RPL37: variants seen among roughly 807,000 people sequenced by gnomAD.
RPL37 encodes the protein ribosomal protein L37, also known as large ribosomal subunit protein eL37.
In RPL37, 1 loss-of-function variant was observed where a neutral mutation model predicts 14.8. The ratio of observed to expected loss-of-function variants is 0.07; its 90% CI spans 0.02 to 0.32. The LOEUF is 0.32. Among genes scored for constraint, RPL37 ranks in the 10% least tolerant of loss-of-function variants. The probability of loss-of-function intolerance (pLI) is 1.00; values close to 1 mark genes in which losing one functional copy is unlikely to be tolerated. For synonymous variants in RPL37, 53 were observed against 45.8 expected (o/e 1.16, Z -0.63); for missense variants, 100 against 128.3 (o/e 0.78, Z 1.06).
At chr5:40,834,722 G>A (rs1745725570) in intron 1 of RPL37, 116 bp from the exon 2 acceptor site, 2 of 1,191,012 alleles carry the variant, frequency 1.7e-6, no homozygotes, top group Non-Finnish European at 2.3e-6. Context: ...TCGAAACTGC[G>A]GGAGAAGCCT....
chr5:40,834,660 C>G (rs1745724069), intron 1 of RPL37, 54 bp from the exon 2 acceptor site: 4 of 1,535,266 alleles, frequency 2.6e-6, no homozygotes, highest in African/African-American at 1.4e-5. Flanking sequence ...TAGATTTACT[C>G]GAGTTCTCCG....
At chr5:40,833,080 G>A (rs1195040273) in intron 3 of RPL37, among the ~76,000 whole-genome samples, 1 of 152,150 alleles carries the variant, frequency 6.6e-6, no homozygotes, top group African/African-American at 2.4e-5. Context: ...TTCAGTTCAA[G>A]CTCTTAACTC....
Position 40,831,645 on chromosome 5 carries a change from T to A in RPL37, c.*859A>T, listed in dbSNP as rs967400230. 1 of 152,326 alleles carries A rather than the reference T, an allele frequency of 6.6e-6. No individual in the cohort carries two copies. The highest frequency in any genetic ancestry group is 2.4e-5 in the African/African-American group (1 of 41,460). The allele number at this position is 152,326 out of a possible 1,614,324, so 9.4% of individuals were successfully genotyped here. On this transcript the variant is annotated 3_prime_UTR_variant, in exon 4 of 4. Coordinates refer to ENST00000274242, the MANE Select transcript of RPL37 (RefSeq NM_000997.5). ...CCTGCCCTCTCACTCAGCAGTCCAG[T>A]TGACTTTGTCCCTTCATTTTAAAAA...
At chr5:40,834,699 G>A in intron 1 of RPL37, 93 bp from the exon 2 acceptor site, 1 of 1,419,462 alleles carries the variant, frequency 7.0e-7, no homozygotes, top group Non-Finnish European at 9.5e-7. Context: ...AAATTTAAAG[G>A]CAATCGTAAA....
At position 40,831,785 on chromosome 5, in the gene RPL37, T is replaced by C. The variant is rs1745645389; in HGVS notation, c.*719A>G. 1 of 152,428 alleles carries C rather than the reference T, an allele frequency of 6.6e-6. No individual in the cohort carries two copies. Among genetic ancestry groups the C allele is most frequent in the South Asian group, 2.1e-4 (1 of 4,826 alleles). The allele number at this position is 152,428 out of a possible 1,614,324, so 9.4% of individuals were successfully genotyped here. A position where few individuals can be genotyped will look rare whatever the true frequency, so the allele number is the denominator to read the frequency against. On this transcript the variant is annotated 3_prime_UTR_variant, in exon 4 of 4. Coordinates refer to ENST00000274242, the MANE Select transcript of RPL37 (RefSeq NM_000997.5). ...ATTACCAAGTTGAGGGCTAAAAAAA[T>C]TCGACCAAGTAGTCCCACATCATTG...
rs1268920097 is a variant in RPL37 at position 40,828,334 on chromosome 5, C to CA, written c.*4169dup. On this transcript the variant is annotated 3_prime_UTR_variant, in exon 4 of 4. Transcript: ENST00000274242. ...ATGTCACCTTCCACAAACATACATA[C>CA]AGTATATACATGATTGAAATCTGTC... is the stretch of plus-strand genomic sequence containing the variant. The CA allele has an allele frequency of 6.6e-6, 1 of 152,188 alleles. No individual in the cohort carries two copies. The highest frequency in any genetic ancestry group is 1.9e-4 in the East Asian group (1 of 5,208). The allele number at this position is 152,188 out of a possible 1,614,324, so 9.4% of individuals were successfully genotyped here.
intron 3 of RPL37, chr5:40,833,917 C>A (rs1057078140): frequency 4.5e-6 from 2 of 440,852 alleles, no homozygotes; most frequent in African/African-American, 2.0e-5. Context: ...TGTGGCAGCG[C>A]ACACCTGTAG....
At position 40,834,198 on chromosome 5, in the gene RPL37, A is replaced by C; in HGVS notation, c.207T>G (p.Ile69Met). The C allele has an allele frequency of 4.3e-6, 7 of 1,613,836 alleles. No individual in the cohort carries two copies. Among genetic ancestry groups the C allele is most frequent in the Non-Finnish European group, 5.9e-6 (7 of 1,179,710 alleles). Reference protein sequence around the residue: ...TGTGRMRHLKIVYRRFRHGFR... With the variant: ...TGTGRMRHLKMVYRRFRHGFR... ...AACTGTACCTGAATCTGCGGTATAC[A>C]ATTTTTAGGTGCCTCATTCGACCAG... Residue 69 changes from isoleucine (I) to methionine (M), a missense_variant, in exon 3 of 4, where the codon ATT (isoleucine) becomes ATG (methionine). Ile to Met is a conservative substitution (Grantham distance 10). Coordinates refer to ENST00000274242, the MANE Select transcript of RPL37 (RefSeq NM_000997.5).
chr5:40,834,955 C>T, intron 1 of RPL37: 1 of 646,320 alleles, frequency 1.5e-6, no homozygotes. Flanking sequence ...AAAGGTTGGA[C>T]CGAGGCAAAG....
chr5:40,834,719 T>C (rs1745725442), intron 1 of RPL37, 113 bp from the exon 2 acceptor site: 2 of 1,235,834 alleles, frequency 1.6e-6, no homozygotes, highest in Admixed American at 4.8e-5. Context: ...AGATCGAAAC[T>C]GCGGGAGAAG....
intron 3 of RPL37, among the ~76,000 whole-genome samples, chr5:40,833,122 A>AAT (rs1467184742): frequency 6.6e-6 from 1 of 152,334 alleles, no homozygotes; most frequent in East Asian, 1.9e-4. Context: ...CTCAACATTA[A>AAT]GCCCACAAAA....
rs779690489 is a variant in RPL37 at position 40,827,732 on chromosome 5, C to CA, written c.*4771_*4772insT. On this transcript the variant is annotated 3_prime_UTR_variant, in exon 4 of 4. Coordinates refer to ENST00000274242, the MANE Select transcript of RPL37 (RefSeq NM_000997.5). ...ATTTTGCTTAAGTCCTTCCTTTATCCTTTTTTTTTTTTGAGATGGAGTCTC... is the reference window on the plus strand; with the variant it reads ...ATTTTGCTTAAGTCCTTCCTTTATCCATTTTTTTTTTTTGAGATGGAGTCTC... The CA allele has an allele frequency of 1.4e-5, 2 of 145,976 alleles. No homozygotes were observed. The highest frequency in any genetic ancestry group is 6.9e-5 in the Admixed American group (1 of 14,568). The allele number at this position is 145,976 out of a possible 1,614,324, so 9.0% of individuals were successfully genotyped here.
rs761139722 is a variant in RPL37 at position 40,835,134 on chromosome 5, A to C, written c.3+49T>G. The C allele has an allele frequency of 3.1e-6, 5 of 1,613,544 alleles. No individual in the cohort carries two copies. In the East Asian group the frequency reaches 1.1e-4, roughly 36 times the overall value. ...CCAAGCACAGCAAACAGAGAGGCAC[A>C]AAGGACGAGGATGGAACGCGATTCA... On this transcript the variant is annotated intron_variant, in intron 1 of 3. Coordinates refer to ENST00000274242, the MANE Select transcript of RPL37 (RefSeq NM_000997.5).
At chr5:40,834,982 A>C in intron 1 of RPL37, 2 of 707,118 alleles carry the variant, frequency 2.8e-6, no homozygotes, top group East Asian at 5.4e-5. Flanking sequence ...ATGCGGCTCT[A>C]GCACCACAAT....
chr5:40,832,382 G>A lies in RPL37; in HGVS notation c.*122C>T. On this transcript the variant is annotated 3_prime_UTR_variant, in exon 4 of 4. Coordinates refer to ENST00000274242, the MANE Select transcript of RPL37 (RefSeq NM_000997.5). Reference sequence around the variant, plus strand: ...GTAAATCTGATATGAAGCTAGCCCAGTCCCTAAACCTACAGTATTTCACTG... The same window carrying A: ...GTAAATCTGATATGAAGCTAGCCCAATCCCTAAACCTACAGTATTTCACTG... 2.4e-6 allele frequency: 2 copies of A among 849,856 alleles called. No homozygotes were observed. Among genetic ancestry groups the A allele is most frequent in the Non-Finnish European group, 4.1e-6 (2 of 491,308 alleles). 52.6% of individuals were successfully genotyped at this position (849,856 alleles called of 1,614,324 possible). A position where few individuals can be genotyped will look rare whatever the true frequency, so the allele number is the denominator to read the frequency against.
rs745831263 is a variant in RPL37, at chr5:40,834,454, T to C, written c.139+17A>G. Reference sequence around the variant, plus strand: ...CAAACAAAAGCTAACACAGTTGGCCTGAAAAATGTTACTTACACTTTCTCT... The same window carrying C: ...CAAACAAAAGCTAACACAGTTGGCCCGAAAAATGTTACTTACACTTTCTCT... On this transcript the variant is annotated intron_variant, in intron 2 of 3. Coordinates refer to ENST00000274242, the MANE Select transcript of RPL37 (RefSeq NM_000997.5). 6.2e-7 allele frequency: 1 copy of C among 1,608,526 alleles called. No individual in the cohort carries two copies. Among genetic ancestry groups the C allele is most frequent in the South Asian group, 1.1e-5 (1 of 89,996 alleles).
In RPL37 at chr5:40,826,054, G is replaced by C. The variant is rs1019243156; in HGVS notation, c.*6450C>G. 1 of 152,122 alleles carries C rather than the reference G, an allele frequency of 6.6e-6. No homozygotes were observed. Among genetic ancestry groups the C allele is most frequent in the African/African-American group, 2.4e-5 (1 of 41,424 alleles). The allele number at this position is 152,122 out of a possible 1,614,324, so 9.4% of individuals were successfully genotyped here. A position where few individuals can be genotyped will look rare whatever the true frequency, so the allele number is the denominator to read the frequency against. ...CAACTGTCCTCACTTGAGGAAGCTGGCCTTTCTCCTGTACTGTTTTACCAG... is the reference window on the plus strand; with the variant it reads ...CAACTGTCCTCACTTGAGGAAGCTGCCCTTTCTCCTGTACTGTTTTACCAG... On this transcript the variant is annotated 3_prime_UTR_variant, in exon 4 of 4. Coordinates refer to ENST00000274242, the MANE Select transcript of RPL37 (RefSeq NM_000997.5).
rs1745488717 is a variant in RPL37 at position 40,825,341 on chromosome 5, C to T, written c.*7163G>A. On this transcript the variant is annotated 3_prime_UTR_variant, in exon 4 of 4. Transcript: ENST00000274242. The stretch of plus-strand genomic sequence containing the variant: ...TCTTTATTACCAAAGAAATACATAA[C>T]TTTAACAGATAATCTCTGTATCTTA... 1 of 93,880 alleles carries T rather than the reference C, an allele frequency of 1.1e-5. No individual in the cohort carries two copies. 5.8% of individuals were successfully genotyped at this position (93,880 alleles called of 1,614,324 possible). A position where few individuals can be genotyped will look rare whatever the true frequency, so the allele number is the denominator to read the frequency against.
At chr5:40,832,665 C>A in intron 3 of RPL37, 92 bp from the exon 4 acceptor site, 1 of 917,984 alleles carries the variant, frequency 1.1e-6, no homozygotes, top group Non-Finnish European at 1.8e-6. Flanking sequence ...GCGCTTATCT[C>A]AGTTAAATGC....
Sources: allele counts gnomAD v4.1 joint callset (sites outside exome capture counted in the v4.1 genomes callset), GRCh38; gene constraint gnomAD v4.1.1; transcripts MANE v1.5; gene names NCBI Gene and HGNC (gene_info 2026-07-23, HGNC 2026-07-21).